Variants in ZNF521 observed in about 807,000 individuals in gnomAD.
ZNF521 encodes zinc finger protein 521.
A neutral mutation model predicts 105.5 loss-of-function variants in ZNF521; 14 were observed. The ratio of observed to expected loss-of-function variants is 0.13; its 90% CI spans 0.09 to 0.21. The LOEUF (loss-of-function observed/expected upper bound fraction) is 0.21, where lower values mean the gene tolerates loss of function less well. Among genes scored for constraint, ZNF521 ranks in the 10% least tolerant of loss-of-function variants. ZNF521 has a pLI of 1.00. For synonymous variants in ZNF521, 635 were observed against 606.0 expected (o/e 1.05, Z -0.70); for missense variants, 1,233 against 1,629.7 (o/e 0.76, Z 4.19).
intron 3 of ZNF521, among the ~76,000 whole-genome samples, chr18:25,235,631 C>T (rs755030014): frequency 5.3e-4 from 80 of 152,164 alleles, no homozygotes; most frequent in Middle Eastern, 3.2e-3. Flanking sequence ...GGTCCAAGGC[C>T]GGAAAACTTT....
chr18:25,085,172 C>T (rs924496852), intron 7 of ZNF521, among the ~76,000 whole-genome samples: 1 of 151,640 alleles, frequency 6.6e-6, no homozygotes, highest in Non-Finnish European at 1.5e-5. Context: ...TGGAGGGAAA[C>T]TCTGCCAAAA....
intron 4 of ZNF521, among the ~76,000 whole-genome samples, chr18:25,219,034 C>T (rs943838155): frequency 1.3e-5 from 2 of 152,194 alleles, no homozygotes; most frequent in African/African-American, 4.8e-5. Context: ...TGATGCTCCA[C>T]TTCCACTTAA....
intron 5 of ZNF521, among the ~76,000 whole-genome samples, chr18:25,129,673 G>C (rs1269563817): frequency 6.6e-6 from 1 of 151,938 alleles, no homozygotes; most frequent in African/African-American, 2.4e-5. Flanking sequence ...GGCGGGGTGG[G>C]GGGTATGATC....
intron 5 of ZNF521, among the ~76,000 whole-genome samples, chr18:25,157,415 C>G (rs75999739): frequency 6.6e-6 from 1 of 152,072 alleles, no homozygotes; most frequent in Admixed American, 6.6e-5. Flanking sequence ...TGATCAGAAA[C>G]GGGAAAGTTC....
At chr18:25,350,184 C>T (rs1381442837) in intron 2 of ZNF521, among the ~76,000 whole-genome samples, 2 of 152,178 alleles carry the variant, frequency 1.3e-5, no homozygotes, top group Non-Finnish European at 2.9e-5. Context: ...CTTCCCTCTC[C>T]AACAGGGACG....
Position 25,227,077 on chromosome 18 carries a change from G to C in ZNF521, c.841C>G (p.Leu281Val), listed in dbSNP as rs1315009175. 6.2e-7 allele frequency: 1 copy of C among 1,614,032 alleles called. No homozygotes were observed. Among genetic ancestry groups the C allele is most frequent in the Non-Finnish European group, 8.5e-7 (1 of 1,180,032 alleles). Residue 281 changes from leucine to valine, a missense_variant, in exon 4 of 8, where the codon CTC becomes GTC. Leu to Val is a conservative substitution (Grantham distance 32). This residue lies in a region of ZNF521 where 380 missense variants were observed against 478.0 expected (regional missense o/e 0.80). Transcript: ENST00000361524. This position sits in a 1 kb window ranked among gnomAD's most constrained non-coding sequence, Gnocchi z 5.7. ...AGCTCGTGGCAGTAGACACACTGGA[G>C]GGCCGCTCGGTCCTCATTTGGGGAG... ...ECSPNEDRAA[L>V]QCVYCHELFV...
intron 5 of ZNF521, among the ~76,000 whole-genome samples, chr18:25,121,930 C>G (rs2034451634): frequency 6.6e-6 from 1 of 152,084 alleles, no homozygotes; most frequent in African/African-American, 2.4e-5. Context: ...AATGAAAAAT[C>G]ACCAAACACG....
At chr18:25,246,599 A>G (rs1270740821) in intron 3 of ZNF521, among the ~76,000 whole-genome samples, 1 of 152,230 alleles carries the variant, frequency 6.6e-6, no homozygotes, top group Admixed American at 6.5e-5. Context: ...GCTCTTTGGC[A>G]TCATTCTTCT....
chr18:25,325,829 G>A (rs140108734), intron 2 of ZNF521, among the ~76,000 whole-genome samples: 1 of 152,292 alleles, frequency 6.6e-6, no homozygotes, highest in African/African-American at 2.4e-5. Context: ...TTCCAATTTT[G>A]TTAACATTAC....
At chr18:25,245,460 A>C (rs2144818638) in intron 3 of ZNF521, among the ~76,000 whole-genome samples, 1 of 152,316 alleles carries the variant, frequency 6.6e-6, no homozygotes, top group East Asian at 1.9e-4. Context: ...TTTTAGTCTA[A>C]GCTTCATGCG....
chr18:25,211,995 A>G (rs2036187596), intron 4 of ZNF521, among the ~76,000 whole-genome samples: 1 of 152,278 alleles, frequency 6.6e-6, no homozygotes, highest in Admixed American at 6.5e-5. Flanking sequence ...ACTGAATTTT[A>G]TACATGTAAT....
At chr18:25,088,361 G>A (rs1048221188) in intron 7 of ZNF521, among the ~76,000 whole-genome samples, 43 of 151,278 alleles carry the variant, frequency 2.8e-4, no homozygotes, top group Non-Finnish European at 2.7e-4. Context: ...GACTACAGCC[G>A]CCCGCCACTG....
chr18:25,282,090 A>G (rs1910416595), intron 3 of ZNF521, among the ~76,000 whole-genome samples: 1 of 152,130 alleles, frequency 6.6e-6, no homozygotes, highest in African/African-American at 2.4e-5. Flanking sequence ...ATTATAGGAA[A>G]ATTCTGTTTA....
At chr18:25,242,102 G>T (rs1907377574) in intron 3 of ZNF521, among the ~76,000 whole-genome samples, 1 of 152,118 alleles carries the variant, frequency 6.6e-6, no homozygotes, top group Admixed American at 6.6e-5. Flanking sequence ...CCTAATAGTT[G>T]CAACCTGTTA....
rs149969134 is a variant in ZNF521, at chr18:25,227,562, G to A, written c.356C>T (p.Pro119Leu). Reference protein sequence around the residue: ...EEEGGPGLPYPCQFCDKSFSR... With the variant: ...EEEGGPGLPYLCQFCDKSFSR... ...AAACGACTTGTCACAGAATTGACAC[G>A]GGTATGGAAGCCCAGGGCCACCTTC... The change falls in exon 4 of 8, where the codon CCG becomes CTG. Residue 119 changes from proline to leucine, a missense_variant. Physicochemically the swap from Pro to Leu is moderately conservative, Grantham distance 98. Around this residue, in one of 6 missense-constraint regions of ZNF521, gnomAD observed 85 missense variants for 162.2 expected, o/e 0.52. Transcript: ENST00000361524. This position sits in a 1 kb window ranked among gnomAD's most constrained non-coding sequence, Gnocchi z 5.7. The A allele has an allele frequency of 5.0e-5, 81 of 1,614,008 alleles. No homozygotes were observed. Among genetic ancestry groups the A allele is most frequent in the Non-Finnish European group, 6.1e-5 (72 of 1,180,026 alleles).
At chr18:25,261,173 G>A (rs1431944194) in intron 3 of ZNF521, among the ~76,000 whole-genome samples, 1 of 152,088 alleles carries the variant, frequency 6.6e-6, no homozygotes, top group East Asian at 1.9e-4. Flanking sequence ...CTGCATCAGA[G>A]CACCTCCAGT....
chr18:25,269,498 C>A (rs751928193), intron 3 of ZNF521, among the ~76,000 whole-genome samples: 1 of 152,164 alleles, frequency 6.6e-6, no homozygotes, highest in Non-Finnish European at 1.5e-5. Context: ...TTCTTCTCAG[C>A]ACCACGTAGC....
intron 3 of ZNF521, among the ~76,000 whole-genome samples, chr18:25,307,391 T>C (rs1422234405): frequency 6.6e-6 from 1 of 152,226 alleles, no homozygotes; most frequent in Non-Finnish European, 1.5e-5. Flanking sequence ...ATATTCATCC[T>C]GGGCTGCGCT....
At chr18:25,155,021 T>C (rs1337256955) in intron 5 of ZNF521, among the ~76,000 whole-genome samples, 3 of 152,226 alleles carry the variant, frequency 2.0e-5, no homozygotes, top group African/African-American at 7.2e-5. Flanking sequence ...AGACAAGGGT[T>C]TCCTTTTCTC....
Sources: gnomAD v4.1 joint callset for allele counts (sites outside exome capture counted in the v4.1 genomes callset) on GRCh38, gnomAD v4.1.1 for gene constraint, gnomAD v4.1.1 regional missense constraint, Gnocchi (gnomAD v3.1) non-coding constraint, MANE v1.5 for transcripts, NCBI Gene and HGNC (gene_info 2026-07-23, HGNC 2026-07-21) for gene names.